LRP8: variants seen among roughly 807,000 people sequenced by gnomAD.
LRP8 encodes the protein low-density lipoprotein receptor-related protein 8.
Under a neutral mutation model 111.6 loss-of-function variants are expected in LRP8, and 46 were observed. The ratio of observed to expected loss-of-function variants is 0.41; its 90% CI spans 0.33 to 0.53. The LOEUF is 0.53. LRP8 is among the 20% of genes least tolerant of loss of function. The pLI is 0.20. For missense variants in LRP8, 959 were observed against 1,297.4 expected (o/e 0.74, Z 4.01); for synonymous variants, 464 against 511.2 (o/e 0.91, Z 1.24).
chr1:53,311,273 G>C (rs1433932697), intron 2 of LRP8, among the ~76,000 whole-genome samples: 1 of 152,162 alleles, frequency 6.6e-6, no homozygotes, highest in Non-Finnish European at 1.5e-5. Flanking sequence ...GGTGTGAGGA[G>C]CGGGGAGGGG....
intron 2 of LRP8, among the ~76,000 whole-genome samples, chr1:53,323,064 CAG>C (rs1298424090): frequency 1.3e-5 from 2 of 152,124 alleles, no homozygotes; most frequent in African/African-American, 2.4e-5. Flanking sequence ...GCGAGAAGCA[CAG>C]AACTTCCTAG....
chr1:53,321,389 A>G (rs1304703881), intron 2 of LRP8, among the ~76,000 whole-genome samples: 1 of 152,064 alleles, frequency 6.6e-6, no homozygotes, highest in Non-Finnish European at 1.5e-5. Context: ...CCACAACCCT[A>G]AGGACACAAC....
intron 16 of LRP8, among the ~76,000 whole-genome samples, chr1:53,253,432 G>C (rs1645962508): frequency 6.6e-6 from 1 of 152,098 alleles, no homozygotes; most frequent in South Asian, 2.1e-4. Context: ...AATAAGAAAA[G>C]ACTGTGAGTG....
intron 3 of LRP8, among the ~76,000 whole-genome samples, chr1:53,287,392 G>T (rs956313911): frequency 6.6e-6 from 1 of 152,256 alleles, no homozygotes; most frequent in Non-Finnish European, 1.5e-5. Flanking sequence ...AAGCAAGGGG[G>T]AAAGGGGGTC....
chr1:53,296,721 G>A (rs1396967231), intron 2 of LRP8, among the ~76,000 whole-genome samples: 1 of 152,208 alleles, frequency 6.6e-6, no homozygotes, highest in Non-Finnish European at 1.5e-5. Context: ...CTGCAGCAAC[G>A]ACAGAGCAGT....
At chr1:53,261,853 G>A (rs1023449331) in intron 12 of LRP8, among the ~76,000 whole-genome samples, 7 of 152,210 alleles carry the variant, frequency 4.6e-5, no homozygotes, top group African/African-American at 1.7e-4. Context: ...CTGGGAGAGG[G>A]GTCTTGGGAA....
chr1:53,265,507 A>T (rs1490787215), intron 9 of LRP8, among the ~76,000 whole-genome samples: 1 of 151,782 alleles, frequency 6.6e-6, no homozygotes, highest in African/African-American at 2.4e-5. Flanking sequence ...AAAACCTGAA[A>T]CTCCCAAAAT....
intron 10 of LRP8, among the ~76,000 whole-genome samples, chr1:53,263,473 C>T (rs1483911898): frequency 1.3e-5 from 2 of 152,208 alleles, no homozygotes; most frequent in Non-Finnish European, 2.9e-5. Context: ...AAAAAACCAT[C>T]TCAAGATATC....
intron 2 of LRP8, among the ~76,000 whole-genome samples, chr1:53,306,822 G>A (rs899699893): frequency 6.6e-6 from 1 of 152,220 alleles, no homozygotes; most frequent in Non-Finnish European, 1.5e-5. Context: ...GTATTGTGAT[G>A]CCATCTCTGG....
At chr1:53,310,444 A>G (rs912127753) in intron 2 of LRP8, among the ~76,000 whole-genome samples, 2 of 152,204 alleles carry the variant, frequency 1.3e-5, no homozygotes, top group African/African-American at 4.8e-5. Flanking sequence ...GGGGATGAGA[A>G]CTACCTGCCT....
At chr1:53,291,482 C>A (rs1288502) in intron 2 of LRP8, among the ~76,000 whole-genome samples, 86,642 of 151,826 alleles carry the variant, frequency 0.57, 25,489 homozygotes, top group East Asian at 0.87. Flanking sequence ...TCATATACTC[C>A]ATGCTTTTTA....
intron 4 of LRP8, among the ~76,000 whole-genome samples, chr1:53,278,279 T>G (rs1201442723): frequency 2.0e-5 from 3 of 152,182 alleles, no homozygotes; most frequent in Non-Finnish European, 4.4e-5. Context: ...AGTGACCTCC[T>G]CACTTCCCTC....
At chr1:53,320,704 C>T (rs1333312234) in intron 2 of LRP8, among the ~76,000 whole-genome samples, 5 of 152,190 alleles carry the variant, frequency 3.3e-5, no homozygotes, top group Non-Finnish European at 4.4e-5. Context: ...GAGGGCTCTG[C>T]GGGGTCTCCA....
chr1:53,258,395 G>A lies in LRP8; in HGVS notation c.2133C>T (p.Ser711=). 1 of 1,614,078 alleles carries A rather than the reference G, an allele frequency of 6.2e-7. No homozygotes were observed. The highest frequency in any genetic ancestry group is 8.5e-7 in the Non-Finnish European group (1 of 1,179,980). The change falls in exon 14 of 19, where the codon TCC becomes TCT. Residue 711 remains serine, a synonymous_variant. Transcript: ENST00000306052. ...EYLCLPAPQI[S]SHSPKYTCAC... is the part of the protein sequence containing the mutation. ...CACATGTGTACTTGGGAGAGTGGCT[G>A]GAGATCTGAGGAGCAGGAAGGCACA...
intron 15 of LRP8, 141 bp downstream of exon 15, chr1:53,257,099 C>A: frequency 3.9e-6 from 3 of 773,492 alleles, no homozygotes; most frequent in Non-Finnish European, 6.3e-6. Context: ...TGGTACTCTA[C>A]CTCCCTCTCA....
At chr1:53,248,024 T>G (rs1645780978) in intron 18 of LRP8, among the ~76,000 whole-genome samples, 1 of 152,196 alleles carries the variant, frequency 6.6e-6, no homozygotes, top group South Asian at 2.1e-4. Flanking sequence ...TTTTATCATC[T>G]ATCAAATGGG....
intron 8 of LRP8, chr1:53,267,736 G>A (rs1459104214): frequency 6.6e-6 from 1 of 152,192 alleles, no homozygotes; most frequent in Non-Finnish European, 1.5e-5. Context: ...ATAAATAAGT[G>A]ACCTAGACTT....
At chr1:53,258,519 G>C (rs188280276) in intron 13 of LRP8, 48 bp from the exon 14 acceptor site, 28 of 1,570,432 alleles carry the variant, frequency 1.8e-5, no homozygotes, top group Non-Finnish European at 2.1e-5. Flanking sequence ...GACATGCCAG[G>C]TCTTCCTGCC....
rs767425194 is a variant in LRP8, at chr1:53,326,947, T to A, written c.170A>T (p.Glu57Val). ...TCTCCACACAGAGGGGATGCAGCGCTCGTTCCGGCACTGGAATTGGTCCTT... is the reference window on the plus strand; with the variant it reads ...TCTCCACACAGAGGGGATGCAGCGCACGTTCCGGCACTGGAATTGGTCCTT... ...CEKDQFQCRN[E>V]RCIPSVWRCD... Residue 57 changes from glutamate (E) to valine (V), a missense_variant, in exon 2 of 19, where the codon GAG becomes GTG. Coordinates refer to ENST00000306052, the MANE Select transcript of LRP8 (RefSeq NM_004631.5). 6.2e-7 allele frequency: 1 copy of A among 1,613,852 alleles called. No homozygotes were observed. The highest frequency in any genetic ancestry group is 1.7e-5 in the Admixed American group (1 of 60,026).
Sources: gnomAD v4.1 joint callset for allele counts (sites outside exome capture counted in the v4.1 genomes callset) on GRCh38, gnomAD v4.1.1 for gene constraint, MANE v1.5 for transcripts, NCBI Gene and HGNC (gene_info 2026-07-23, HGNC 2026-07-21) for gene names.